Variants in HDAC9 observed in about 807,000 individuals in gnomAD.
HDAC9 encodes the protein MEF-2 interacting transcription repressor (MITR) protein.
A neutral mutation model predicts 139.4 loss-of-function variants in HDAC9; 41 were observed. That is an observed-to-expected ratio of 0.29 (90% CI 0.23 to 0.38). HDAC9 has a LOEUF of 0.38. Ranked by LOEUF, HDAC9 falls within the 10% of genes least tolerant of loss-of-function variation. The pLI is 1.00. For synonymous variants in HDAC9, 517 were observed against 476.2 expected, an observed-to-expected ratio of 1.09 and a Z score of -1.12; for missense variants, 1,147 against 1,297.0, an observed-to-expected ratio of 0.88 and a Z score of 1.78.
chr7:18,875,578 T>C (rs1313200913), intron 22 of HDAC9, among the ~76,000 whole-genome samples: 1 of 152,228 alleles, frequency 6.6e-6, no homozygotes, highest in African/African-American at 2.4e-5. Flanking sequence ...AGGTAGTAAC[T>C]ATTTTTAACA....
At chr7:18,805,501 G>A (rs116399529) in intron 17 of HDAC9, among the ~76,000 whole-genome samples, 2,788 of 152,272 alleles carry the variant, frequency 0.018, 92 homozygotes, top group African/African-American at 0.063. Context: ...CTGTTGGTGG[G>A]GCAAGGATTT....
At chr7:18,755,409 C>T (rs893413471) in intron 14 of HDAC9, among the ~76,000 whole-genome samples, 12 of 151,982 alleles carry the variant, frequency 7.9e-5, no homozygotes, top group South Asian at 4.1e-4. Context: ...GAAACAGCAG[C>T]GTTGAAGCTT....
intron 25 of HDAC9, among the ~76,000 whole-genome samples, chr7:18,989,423 G>T (rs370612626): frequency 6.6e-6 from 1 of 151,958 alleles, no homozygotes; most frequent in African/African-American, 2.4e-5. Flanking sequence ...CAAGAGATCC[G>T]CTCTTAGTCT....
rs1280240247 is a variant in HDAC9 at position 18,593,947 on chromosome 7, C to G, written c.582C>G (p.Pro194=). The change falls in exon 6 of 26, where the codon CCC becomes CCG. Residue 194 remains proline, a synonymous_variant. Coordinates refer to ENST00000686413, the MANE Select transcript of HDAC9 (RefSeq NM_178425.4). ...HHTSLDQSSP[P]LSGTSPSYKY... is the part of the protein sequence containing the mutation. ...CATCATTGGATCAAAGCTCTCCACCCCTTAGTGGAACATCTCCATCCTACA... is the reference window on the plus strand; with the variant it reads ...CATCATTGGATCAAAGCTCTCCACCGCTTAGTGGAACATCTCCATCCTACA... The G allele has an allele frequency of 1.2e-6, 2 of 1,612,598 alleles. No homozygotes were observed. The highest frequency in any genetic ancestry group is 1.7e-6 in the Non-Finnish European group (2 of 1,178,814).
chr7:18,966,113 C>T (rs556967708), intron 24 of HDAC9, among the ~76,000 whole-genome samples: 2 of 152,330 alleles, frequency 1.3e-5, no homozygotes, highest in South Asian at 4.1e-4. Context: ...ATTGTTTCCT[C>T]TGGTTGTATG....
At chr7:18,108,495 G>A (rs993894563) in intron 1 of HDAC9, among the ~76,000 whole-genome samples, 3 of 151,982 alleles carry the variant, frequency 2.0e-5, no homozygotes, top group African/African-American at 7.3e-5. Flanking sequence ...GCTGTTTAAA[G>A]CTCAGTTTCT....
At chr7:18,509,501 A>C in intron 2 of HDAC9, 1 of 947,478 alleles carries the variant, frequency 1.1e-6, no homozygotes, top group Non-Finnish European at 1.3e-6. Flanking sequence ...ATCAGTATTT[A>C]TTGAGTCCTT....
intron 1 of HDAC9, among the ~76,000 whole-genome samples, chr7:18,446,158 G>A (rs1409196292): frequency 6.6e-6 from 1 of 152,212 alleles, no homozygotes; most frequent in African/African-American, 2.4e-5. Context: ...ACTACCCTTT[G>A]TTGGCTCCCA....
At chr7:18,326,284 T>C (rs1800437812) in intron 1 of HDAC9, among the ~76,000 whole-genome samples, 1 of 152,096 alleles carries the variant, frequency 6.6e-6, no homozygotes, top group African/African-American at 2.4e-5. Context: ...ATTCTTCAAA[T>C]AAGGTATGCT....
At chr7:18,387,527 A>G (rs1203736594) in intron 1 of HDAC9, among the ~76,000 whole-genome samples, 3 of 152,200 alleles carry the variant, frequency 2.0e-5, no homozygotes, top group African/African-American at 7.2e-5. Context: ...TCACTCCAAA[A>G]GTGATACTCT....
intron 1 of HDAC9, among the ~76,000 whole-genome samples, chr7:18,096,297 C>A (rs542579653): frequency 6.6e-6 from 1 of 152,166 alleles, no homozygotes; most frequent in East Asian, 1.9e-4. Context: ...TCACTTCATC[C>A]TCACCTTTTC....
At chr7:18,644,511 T>A (rs1786738431) in intron 8 of HDAC9, among the ~76,000 whole-genome samples, 160 bp from the exon 9 acceptor site, 1 of 152,172 alleles carries the variant, frequency 6.6e-6, no homozygotes, top group East Asian at 1.9e-4. Context: ...AGAAATTTTT[T>A]ATTTAAATTT....
chr7:18,752,835 CT>C (rs1245521066), intron 14 of HDAC9, among the ~76,000 whole-genome samples: 1 of 152,138 alleles, frequency 6.6e-6, no homozygotes, highest in Non-Finnish European at 1.5e-5. Flanking sequence ...TGTGTAGCCA[CT>C]TCTGGTAAGA....
intron 1 of HDAC9, among the ~76,000 whole-genome samples, chr7:18,369,425 A>G (rs1346969170): frequency 2.0e-5 from 3 of 151,878 alleles, no homozygotes; most frequent in Admixed American, 6.6e-5. Context: ...TATATTGCAG[A>G]TCTATTCTCT....
chr7:18,781,159 T>C (rs997007962), intron 16 of HDAC9, among the ~76,000 whole-genome samples: 1 of 152,046 alleles, frequency 6.6e-6, no homozygotes, highest in African/African-American at 2.4e-5. Context: ...AGTCATTTTG[T>C]ATTAGGGCCC....
At chr7:18,289,324 A>G (rs569445934), upstream of HDAC9, among the ~76,000 whole-genome samples, 502 of 152,306 alleles carry the variant, frequency 3.3e-3, 1 homozygote, top group Non-Finnish European at 5.8e-3. Context: ...AATAAATTCA[A>G]TAAGTCTTCA....
rs1473076821 is a variant in HDAC9 at position 18,475,831 on chromosome 7, A to C, written c.-41-20431A>C. 2.6e-5 allele frequency among the ~76,000 whole-genome samples: 4 copies of C among 152,192 alleles called. No individual in the cohort carries two copies. The East Asian group carries it at 5.8e-4, about 22-fold the overall frequency. The stretch of plus-strand genomic sequence containing the variant: ...GCAAAATATCAGCAAAATCCACTAA[A>C]ATCACTAATAATCCAGAACATCTCA... On this transcript the variant is annotated intron_variant, in intron 1 of 3. Transcript: ENST00000413509.
chr7:18,958,992 G>A (rs1783345526), intron 24 of HDAC9, among the ~76,000 whole-genome samples: 1 of 152,274 alleles, frequency 6.6e-6, no homozygotes, highest in Admixed American at 6.5e-5. Flanking sequence ...ATCAACAAGT[G>A]ATGCCAGTAA....
intron 8 of HDAC9, among the ~76,000 whole-genome samples, chr7:18,639,815 A>G (rs1331654522): frequency 6.6e-6 from 1 of 152,004 alleles, no homozygotes; most frequent in Non-Finnish European, 1.5e-5. Context: ...TCTAATAGAC[A>G]CACATGTTAC....
Sources: gnomAD v4.1 joint callset for allele counts (sites outside exome capture counted in the v4.1 genomes callset) on GRCh38, gnomAD v4.1.1 for gene constraint, MANE v1.5 for transcripts, NCBI Gene and HGNC (gene_info 2026-07-23, HGNC 2026-07-21) for gene names.